CPNE2: variants seen among roughly 807,000 people sequenced by gnomAD.
The protein encoded by CPNE2 is copine 2.
Under a neutral mutation model 69.7 loss-of-function variants are expected in CPNE2, and 42 were observed. The observed-to-expected ratio is 0.60, with a 90% CI of 0.47 to 0.78. The LOEUF is 0.78. Among genes scored for constraint, CPNE2 ranks in the 30% least tolerant of loss-of-function variants. The pLI, the probability that CPNE2 is intolerant of heterozygous loss-of-function variation, is 0.00. For missense variants in CPNE2, 587 were observed against 732.0 expected (o/e 0.80, Z 2.29); for synonymous variants, 294 against 289.8 (o/e 1.01, Z -0.15).
At chr16:57,109,851 C>T (rs2069669540) in intron 1 of CPNE2, among the ~76,000 whole-genome samples, 1 of 152,192 alleles carries the variant, frequency 6.6e-6, no homozygotes, top group South Asian at 2.1e-4. Context: ...TCTAGGAATG[C>T]AGCCCAGTAG....
chr16:57,112,194 G>A (rs1342332239), intron 2 of CPNE2, among the ~76,000 whole-genome samples: 1 of 152,178 alleles, frequency 6.6e-6, no homozygotes, highest in Non-Finnish European at 1.5e-5. Context: ...TTACAGAGGG[G>A]GAAACAGGGG....
intron 1 of CPNE2, among the ~76,000 whole-genome samples, chr16:57,096,075 G>T (rs917126923): frequency 3.3e-5 from 5 of 152,236 alleles, no homozygotes; most frequent in African/African-American, 9.6e-5. Flanking sequence ...TGTGAGGAAT[G>T]ACTGCACCTG....
At chr16:57,123,610 G>A (rs765023981) in intron 10 of CPNE2, 137 bp downstream of exon 10, 44 of 901,622 alleles carry the variant, frequency 4.9e-5, no homozygotes, top group Middle Eastern at 6.5e-4. Flanking sequence ...GAGTGTGTGC[G>A]GCCTAGTGAG....
intron 11 of CPNE2, 44 bp from the exon 12 acceptor site, chr16:57,127,805 T>A: frequency 6.2e-7 from 1 of 1,601,504 alleles, no homozygotes; most frequent in Non-Finnish European, 8.5e-7. Context: ...TCGGGTGGTG[T>A]CCTCAGGTGT....
At position 57,137,212 on chromosome 16, in the gene CPNE2, C is replaced by T; in HGVS notation, c.1232C>T (p.Thr411Ile). 1 of 1,614,270 alleles carries T rather than the reference C, an allele frequency of 6.2e-7. No individual in the cohort carries two copies. Among genetic ancestry groups the T allele is most frequent in the Non-Finnish European group, 8.5e-7 (1 of 1,180,034 alleles). ...CLPHIRFYGP[T>I]NFSPIVNHVA... Reference sequence around the variant, plus strand: ...CCCCACATCCGCTTCTACGGTCCTACCAATTTCTCCCCCATCGTCAACCAC... The same window carrying T: ...CCCCACATCCGCTTCTACGGTCCTATCAATTTCTCCCCCATCGTCAACCAC... Residue 411 changes from threonine to isoleucine, a missense_variant, in exon 14 of 16, where the codon ACC becomes ATC. Physicochemically the swap from Thr to Ile is moderately conservative, Grantham distance 89. This residue lies in a region of CPNE2 where 185 missense variants were observed against 252.3 expected (regional missense o/e 0.73). Coordinates refer to ENST00000290776, the MANE Select transcript of CPNE2 (RefSeq NM_152727.6).
intron 14 of CPNE2, among the ~76,000 whole-genome samples, chr16:57,140,366 T>C (rs1335421644): frequency 1.3e-5 from 2 of 151,932 alleles, no homozygotes; most frequent in Non-Finnish European, 2.9e-5. Context: ...GAGATAGGGT[T>C]CCACCATGTT....
intron 1 of CPNE2, among the ~76,000 whole-genome samples, chr16:57,106,457 A>G (rs1318944411): frequency 6.6e-6 from 1 of 152,232 alleles, no homozygotes; most frequent in Non-Finnish European, 1.5e-5. Context: ...TGATGGGGAC[A>G]GAAGGAGGTG....
intron 11 of CPNE2, among the ~76,000 whole-genome samples, chr16:57,126,772 A>C (rs755419681): frequency 6.6e-6 from 1 of 152,178 alleles, no homozygotes; most frequent in Non-Finnish European, 1.5e-5. Flanking sequence ...CATGCAGAGC[A>C]AGGGAGGTGG....
intron 12 of CPNE2, among the ~76,000 whole-genome samples, chr16:57,132,017 C>T (rs1217318660): frequency 2.0e-5 from 3 of 152,202 alleles, no homozygotes. Context: ...TTCTTTCTGC[C>T]TGCATCCCAG....
chr16:57,112,544 A>G (rs1334054396), intron 2 of CPNE2, among the ~76,000 whole-genome samples: 7 of 152,144 alleles, frequency 4.6e-5, no homozygotes, highest in Non-Finnish European at 7.4e-5. Flanking sequence ...GGAAAAGTCA[A>G]CACAGCCTGG....
chr16:57,098,376 C>A (rs993808743), intron 1 of CPNE2, among the ~76,000 whole-genome samples: 2 of 152,350 alleles, frequency 1.3e-5, no homozygotes, highest in East Asian at 3.9e-4. Flanking sequence ...GTGCCGCCCC[C>A]ACCTGGTCAG....
chr16:57,113,424 A>G lies in CPNE2; in HGVS notation c.317A>G (p.Asp106Gly). The G allele has an allele frequency of 6.2e-7, 1 of 1,614,108 alleles. No homozygotes were observed. Among genetic ancestry groups the G allele is most frequent in the Non-Finnish European group, 8.5e-7 (1 of 1,179,980 alleles). ...FDQDKSSMRLDEHDFLGQFSC... is the reference protein window; with the variant it reads ...FDQDKSSMRLGEHDFLGQFSC... The stretch of plus-strand genomic sequence containing the variant: ...CAGGACAAGTCCAGTATGCGGCTGG[A>G]CGAGCATGACTTCCTGGGCCAGTTC... Residue 106 changes from aspartate (D) to glycine (G), a missense_variant, in exon 3 of 16, where the codon GAC becomes GGC. This residue lies in a region of CPNE2 where 34 missense variants were observed against 67.1 expected (regional missense o/e 0.51). Transcript: ENST00000290776.
chr16:57,103,177 C>T (rs2069626584), intron 1 of CPNE2, among the ~76,000 whole-genome samples: 1 of 152,194 alleles, frequency 6.6e-6, no homozygotes, highest in Non-Finnish European at 1.5e-5. Context: ...GATTCGAGCG[C>T]AGTGGCACAA....
intron 14 of CPNE2, chr16:57,140,898 T>C (rs1307863210): frequency 7.5e-6 from 1 of 132,848 alleles, no homozygotes; most frequent in African/African-American, 2.9e-5. Context: ...TTTTTTTTAA[T>C]TCCTGGGTTT....
At chr16:57,112,664 C>G (rs1597493720) in intron 2 of CPNE2, among the ~76,000 whole-genome samples, 1 of 152,192 alleles carries the variant, frequency 6.6e-6, no homozygotes, top group African/African-American at 2.4e-5. Context: ...GTACCAGGCC[C>G]TGTCCTCAGC....
At chr16:57,108,209 A>T (rs184633933) in intron 1 of CPNE2, among the ~76,000 whole-genome samples, 292 of 152,306 alleles carry the variant, frequency 1.9e-3, no homozygotes, top group African/African-American at 6.6e-3. Context: ...CAGCACTGGG[A>T]CAGTTCTTGG....
At chr16:57,127,594 C>G (rs1424523854) in intron 11 of CPNE2, among the ~76,000 whole-genome samples, 1 of 152,168 alleles carries the variant, frequency 6.6e-6, no homozygotes, top group African/African-American at 2.4e-5. Flanking sequence ...AGAAGCTGTG[C>G]CCAGGCCCAT....
At chr16:57,125,335 A>G in intron 10 of CPNE2, 1 of 455,978 alleles carries the variant, frequency 2.2e-6, no homozygotes, top group African/African-American at 2.0e-5. Context: ...GATCGGGGAG[A>G]CGGGCACTGC....
chr16:57,118,809 A>G (rs1044796145), intron 5 of CPNE2, among the ~76,000 whole-genome samples: 21 of 152,196 alleles, frequency 1.4e-4, no homozygotes, highest in African/African-American at 4.3e-4. Context: ...TCAGTTTTTC[A>G]CATTCCCAAT....
Sources: gnomAD v4.1 joint callset for allele counts (sites outside exome capture counted in the v4.1 genomes callset) on GRCh38, gnomAD v4.1.1 for gene constraint, gnomAD v4.1.1 regional missense constraint, MANE v1.5 for transcripts, NCBI Gene and HGNC (gene_info 2026-07-23, HGNC 2026-07-21) for gene names.